NPY5R: variants seen among roughly 807,000 people sequenced by gnomAD.
NPY5R encodes neuropeptide Y receptor type 5.
A neutral mutation model predicts 24.8 loss-of-function variants in NPY5R; 21 were observed. The observed-to-expected ratio is 0.85, with a 90% confidence interval of 0.60 to 1.22. The LOEUF is 1.22. Among genes scored for constraint, NPY5R ranks in the 50% most tolerant of loss-of-function variants. The probability of loss-of-function intolerance (pLI) is 0.00; values close to 1 mark genes in which losing one functional copy is unlikely to be tolerated. For synonymous variants in NPY5R, 175 were observed against 183.0 expected (o/e 0.96, Z 0.35); for missense variants, 481 against 521.3 (o/e 0.92, Z 0.75).
chr4:163,345,870 T>C (rs1462971077), intron 2 of NPY5R, 117 bp downstream of exon 2: 1 of 152,180 alleles, frequency 6.6e-6, no homozygotes, highest in East Asian at 1.9e-4. Flanking sequence ...ATGTTTAAAC[T>C]ATCCCCTGGC....
intron 3 of NPY5R, among the ~76,000 whole-genome samples, chr4:163,349,140 T>C (rs1029908883): frequency 6.6e-6 from 1 of 152,232 alleles, no homozygotes; most frequent in Non-Finnish European, 1.5e-5. Flanking sequence ...TTGATAAATA[T>C]ATTTAATGAG....
intron 3 of NPY5R, among the ~76,000 whole-genome samples, chr4:163,348,565 A>G (rs1735348178): frequency 6.6e-6 from 1 of 151,832 alleles, no homozygotes; most frequent in Non-Finnish European, 1.5e-5. Context: ...GGATTGCTTG[A>G]GTCCAGGCGT....
intron 3 of NPY5R, among the ~76,000 whole-genome samples, chr4:163,348,935 C>T (rs1455042393): frequency 6.6e-6 from 1 of 152,040 alleles, no homozygotes; most frequent in Non-Finnish European, 1.5e-5. Context: ...CGTTCATAAG[C>T]CAAAATCTAT....
At chr4:163,345,967 ATTAT>A (rs1735229614) in intron 2 of NPY5R, among the ~76,000 whole-genome samples, 1 of 121,338 alleles carries the variant, frequency 8.2e-6, no homozygotes, top group Non-Finnish European at 1.6e-5. Flanking sequence ...TGCAATATTC[ATTAT>A]TTAGTCGTAA....
chr4:163,345,109 G>A (rs911611074), intron 1 of NPY5R: 2 of 152,160 alleles, frequency 1.3e-5, no homozygotes, highest in African/African-American at 4.8e-5. Context: ...TTGTGTGATT[G>A]TCATCCTTTG....
rs1227871662 is a variant in NPY5R at position 163,350,602 on chromosome 4, G to A, written c.329G>A (p.Gly110Asp). ...GTCTTGCTGGATCAGTGGATGTTTG[G>A]CAAAGTCATGTGCCATATTATGCCT... Reference protein sequence around the residue: ...TSVLLDQWMFGKVMCHIMPFL... With the variant: ...TSVLLDQWMFDKVMCHIMPFL... The change falls in exon 4 of 4, where the codon GGC becomes GAC. Residue 110 changes from glycine to aspartate, a missense_variant. Gly to Asp is a moderately conservative substitution (Grantham distance 94). Transcript: ENST00000338566. The A allele has an allele frequency of 6.2e-7, 1 of 1,614,136 alleles. No individual in the cohort carries two copies. The highest frequency in any genetic ancestry group is 2.2e-5 in the East Asian group (1 of 44,880).
At chr4:163,349,662 T>G (rs1560869196) in intron 3 of NPY5R, among the ~76,000 whole-genome samples, 1 of 152,280 alleles carries the variant, frequency 6.6e-6, no homozygotes, top group South Asian at 2.1e-4. Context: ...TGTCTACATT[T>G]GCCTTTTTCT....
chr4:163,344,143 G>C (rs986902185), intron 1 of NPY5R, 143 bp downstream of exon 1: 7 of 152,196 alleles, frequency 4.6e-5, no homozygotes, highest in Non-Finnish European at 1.5e-5. Context: ...GGGCGTTGTC[G>C]GGGGTCCCAA....
chr4:163,350,232 G>T (rs1246542454), intron 3 of NPY5R, 33 bp from the exon 4 acceptor site: 1 of 1,487,668 alleles, frequency 6.7e-7, no homozygotes, highest in Non-Finnish European at 9.0e-7. Context: ...ATGTTTTTTT[G>T]GTTGCTGACA....
Position 163,350,555 on chromosome 4 carries a change from C to T in NPY5R, c.282C>T (p.Cys94=). ...CTGATATCTTGGTTGTGCTGTTTTG[C>T]TCACCTTTCACACTGACGTCTGTCT... The part of the protein sequence containing the change: ...AFSDILVVLF[C]SPFTLTSVLL... Residue 94 remains cysteine, a synonymous_variant, in exon 4 of 4, where the codon TGC becomes TGT. Coordinates refer to ENST00000338566, the MANE Select transcript of NPY5R (RefSeq NM_006174.4). The T allele has an allele frequency of 1.2e-6, 2 of 1,614,150 alleles. No homozygotes were observed. The highest frequency in any genetic ancestry group is 1.7e-6 in the Non-Finnish European group (2 of 1,180,000).
rs1481074129 is a variant in NPY5R, at chr4:163,351,458, C to T, written c.1185C>T (p.Asp395=). The part of the protein sequence containing the change: ...HLFHVVTDFN[D]NLISNRHFKL... ...TCCATGTGGTAACTGATTTTAATGA[C>T]AATCTTATTTCAAATAGGCATTTCA... is the stretch of plus-strand genomic sequence containing the variant. The change falls in exon 4 of 4, where the codon GAC becomes GAT. Residue 395 remains aspartate (D), a synonymous_variant. Transcript: ENST00000338566. 6.2e-7 allele frequency: 1 copy of T among 1,613,808 alleles called. No homozygotes were observed. The highest frequency in any genetic ancestry group is 1.1e-5 in the South Asian group (1 of 91,072).
chr4:163,348,446 T>C (rs1248422953), intron 3 of NPY5R, among the ~76,000 whole-genome samples: 1 of 151,580 alleles, frequency 6.6e-6, no homozygotes, highest in Non-Finnish European at 1.5e-5. Context: ...CTGGGCAACA[T>C]AGCCAGGCCC....
intron 1 of NPY5R, 40 bp downstream of exon 1, chr4:163,344,040 C>G (rs1735094976): frequency 6.6e-6 from 1 of 152,264 alleles, no homozygotes; most frequent in Non-Finnish European, 1.5e-5. Context: ...CCTTTCGCGC[C>G]GGGTAGGCCT....
At chr4:163,352,158 A>G (rs544270882), downstream of NPY5R, among the ~76,000 whole-genome samples, 11 of 152,296 alleles carry the variant, frequency 7.2e-5, no homozygotes, top group South Asian at 2.1e-3. Flanking sequence ...CATTAAGTAC[A>G]GTTTTGGAAG....
downstream of NPY5R, among the ~76,000 whole-genome samples, chr4:163,352,191 C>T (rs150083035): frequency 7.4e-4 from 113 of 152,236 alleles, 1 homozygote; most frequent in African/African-American, 2.1e-3. Context: ...ATGCTATTGC[C>T]TATTGAGAAT....
intron 2 of NPY5R, among the ~76,000 whole-genome samples, chr4:163,347,218 C>A (rs531768400): frequency 2.8e-3 from 431 of 152,288 alleles, no homozygotes; most frequent in African/African-American, 9.8e-3. Context: ...AGAGTTTTAT[C>A]TCCATTCGAA....
Position 163,351,669 on chromosome 4 carries a change from A to G in NPY5R, c.*58A>G. On this transcript the variant is annotated 3_prime_UTR_variant, in exon 4 of 4. Coordinates refer to ENST00000338566, the MANE Select transcript of NPY5R (RefSeq NM_006174.4). ...TGCTGGGGTCATATAAAATATATTT[A>G]TGATAACTATTTACATATAATAAAT... 4 of 1,190,940 alleles carry G rather than the reference A, an allele frequency of 3.4e-6. No individual in the cohort carries two copies. The highest frequency in any genetic ancestry group is 4.6e-6 in the Non-Finnish European group (4 of 862,660). 73.8% of individuals were successfully genotyped at this position (1,190,940 alleles called of 1,614,324 possible).
chr4:163,352,232 C>T (rs1560872634), downstream of NPY5R, among the ~76,000 whole-genome samples: 1 of 152,128 alleles, frequency 6.6e-6, no homozygotes, highest in Non-Finnish European at 1.5e-5. Context: ...CTCCACTGTC[C>T]TAGTAATACA....
At position 163,351,270 on chromosome 4, in the gene NPY5R, G is replaced by A. The variant is rs1409523955; in HGVS notation, c.997G>A (p.Val333Ile). The part of the protein sequence containing the change: ...LSSSSKFIPG[V>I]PTCFEIKPEE... ...TTCATCCAGTAAGTTCATACCAGGG[G>A]TCCCCACTTGCTTTGAGATAAAACC... The change falls in exon 4 of 4, where the codon GTC becomes ATC. Residue 333 changes from valine (V) to isoleucine (I), a missense_variant. By Grantham distance (29) the Val-to-Ile change is conservative (BLOSUM62 3). Coordinates refer to ENST00000338566, the MANE Select transcript of NPY5R (RefSeq NM_006174.4). 1 of 1,614,044 alleles carries A rather than the reference G, an allele frequency of 6.2e-7. No individual in the cohort carries two copies.
Sources: allele counts gnomAD v4.1 joint callset (sites outside exome capture counted in the v4.1 genomes callset), GRCh38; gene constraint gnomAD v4.1.1; transcripts MANE v1.5; gene names NCBI Gene and HGNC (gene_info 2026-07-23, HGNC 2026-07-21).